The following PLLP variants were observed in gnomAD, a reference collection of about 807,000 sequenced individuals.
PLLP encodes plasma membrane proteolipid (plasmolipin).
Under a neutral mutation model 19.7 loss-of-function variants are expected in PLLP, and 15 were observed. The ratio of observed to expected loss-of-function variants is 0.76; its 90% CI spans 0.51 to 1.17. The LOEUF (loss-of-function observed/expected upper bound fraction) is 1.17, where lower values mean the gene tolerates loss of function less well. PLLP is among the 50% of genes most tolerant of loss of function. The pLI is 0.00. For synonymous variants in PLLP, 111 were observed against 116.3 expected, an observed-to-expected ratio of 0.95 and a Z score of 0.29; for missense variants, 255 against 258.3, an observed-to-expected ratio of 0.99 and a Z score of 0.09.
chr16:57,259,594 G>A (rs1230313822), intron 2 of PLLP, among the ~76,000 whole-genome samples: 4 of 152,134 alleles, frequency 2.6e-5, no homozygotes, highest in African/African-American at 4.8e-5. Context: ...CATTCATTCA[G>A]TTCGTCCAAT....
chr16:57,258,636 G>C (rs936134580), intron 2 of PLLP, 52 bp from the exon 3 acceptor site: 18 of 1,587,402 alleles, frequency 1.1e-5, no homozygotes, highest in Non-Finnish European at 1.5e-5. Flanking sequence ...AAGACACAAA[G>C]AGAGGCCAGA....
intron 1 of PLLP, among the ~76,000 whole-genome samples, chr16:57,278,655 G>A (rs1461494371): frequency 6.6e-6 from 1 of 152,194 alleles, no homozygotes; most frequent in East Asian, 1.9e-4. Flanking sequence ...TCTGTGCAGT[G>A]GAGCTGGGTT....
intron 1 of PLLP, among the ~76,000 whole-genome samples, chr16:57,269,034 C>T (rs1213193545): frequency 6.6e-6 from 1 of 152,206 alleles, no homozygotes; most frequent in East Asian, 1.9e-4. Flanking sequence ...GGTGCTCCCA[C>T]AGGAGGCCCC....
rs114463340 is a variant in PLLP, at chr16:57,263,965, G to A, written c.136-1895C>T. Among the ~76,000 whole-genome samples, 574 of 152,256 alleles carry A rather than the reference G, an allele frequency of 3.8e-3. 4 individuals are homozygous for A. Among genetic ancestry groups the A allele is most frequent in the African/African-American group, 0.012 (483 of 41,548 alleles). On this transcript the variant is annotated intron_variant, in intron 1 of 3. Coordinates refer to ENST00000219207, the MANE Select transcript of PLLP (RefSeq NM_015993.3). ...GACAAGTCAGTGGGATCAGAGAAGC[G>A]GCTCCGGAGCAGGACCTGCCTCTGG...
chr16:57,280,040 G>A (rs935080356), intron 1 of PLLP, among the ~76,000 whole-genome samples: 2 of 152,224 alleles, frequency 1.3e-5, no homozygotes, highest in Non-Finnish European at 1.5e-5. Context: ...ACAAGCTCTG[G>A]TCTGTCCTGA....
intron 1 of PLLP, among the ~76,000 whole-genome samples, chr16:57,266,096 A>G (rs1310467263): frequency 6.6e-6 from 1 of 152,178 alleles, no homozygotes; most frequent in Non-Finnish European, 1.5e-5. Flanking sequence ...AACCTGCGCT[A>G]CTATGAGTTA....
At chr16:57,268,460 C>A (rs2075464593) in intron 1 of PLLP, among the ~76,000 whole-genome samples, 1 of 152,176 alleles carries the variant, frequency 6.6e-6, no homozygotes, top group African/African-American at 2.4e-5. Context: ...CTTCCTTCAT[C>A]TTTGAAATGT....
intron 1 of PLLP, among the ~76,000 whole-genome samples, chr16:57,280,321 T>C (rs942344735): frequency 6.6e-6 from 1 of 152,130 alleles, no homozygotes; most frequent in Non-Finnish European, 1.5e-5. Context: ...CCAGATAAGA[T>C]CATCCTTCTC....
intron 2 of PLLP, among the ~76,000 whole-genome samples, chr16:57,261,134 C>T (rs994058861): frequency 3.9e-5 from 6 of 152,020 alleles, no homozygotes; most frequent in South Asian, 2.1e-4. Context: ...ACTAGAGGCG[C>T]GCGCCACCAC....
At chr16:57,263,915 G>T (rs1334628486) in intron 1 of PLLP, among the ~76,000 whole-genome samples, 1 of 152,200 alleles carries the variant, frequency 6.6e-6, no homozygotes, top group East Asian at 1.9e-4. Context: ...CCAAGGCTGC[G>T]TAGTGACCTT....
rs181830228 is a variant in PLLP at position 57,267,393 on chromosome 16, C to A, written c.136-5323G>T. Among the ~76,000 whole-genome samples, 4 of 151,936 alleles carry A rather than the reference C, an allele frequency of 2.6e-5. No homozygotes were observed. The East Asian group carries it at 7.7e-4, about 29-fold the overall frequency. ...GACCAGCTTGGCCAATATGGAGAAA[C>A]CCATCTCCAGTAAAAATACAAAAAT... is the stretch of plus-strand genomic sequence containing the variant. On this transcript the variant is annotated intron_variant, in intron 1 of 3. Transcript: ENST00000219207.
At chr16:57,257,064 A>G in intron 3 of PLLP, 35 bp from the exon 4 acceptor site, 1 of 1,461,924 alleles carries the variant, frequency 6.8e-7, no homozygotes, top group Non-Finnish European at 9.6e-7. Context: ...AAGGACCGAG[A>G]GGGTGACAGT....
At chr16:57,266,450 C>T (rs1239107931) in intron 1 of PLLP, among the ~76,000 whole-genome samples, 1 of 152,164 alleles carries the variant, frequency 6.6e-6, no homozygotes, top group East Asian at 1.9e-4. Flanking sequence ...CAAGAGAGAC[C>T]CTGCTCGGAA....
chr16:57,269,992 C>G (rs774850013), intron 1 of PLLP, among the ~76,000 whole-genome samples: 1 of 152,188 alleles, frequency 6.6e-6, no homozygotes, highest in South Asian at 2.1e-4. Flanking sequence ...TGGTCTCAAA[C>G]TCCTGACCTC....
intron 1 of PLLP, among the ~76,000 whole-genome samples, chr16:57,267,875 CAAAAA>C (rs71152241): frequency 1.5e-5 from 1 of 65,690 alleles, no homozygotes; most frequent in African/African-American, 6.2e-5. Context: ...AACTCCGTCT[CAAAAA>C]AAAAAAAAAA....
chr16:57,266,811 G>A (rs1250291832), intron 1 of PLLP, among the ~76,000 whole-genome samples: 1 of 150,826 alleles, frequency 6.6e-6, no homozygotes, highest in Non-Finnish European at 1.5e-5. Flanking sequence ...TCCCCAGACA[G>A]GTCCTGCAGA....
Position 57,284,437 on chromosome 16 carries a change from G to C in PLLP, c.104C>G (p.Ser35Cys), listed in dbSNP as rs1368274905. The change falls in exon 1 of 4, where the codon TCC (serine) becomes TGC (cysteine). Residue 35 changes from serine (S) to cysteine (C), a missense_variant. Ser to Cys is a moderately radical substitution (Grantham distance 112, BLOSUM62 -1). Coordinates refer to ENST00000219207, the MANE Select transcript of PLLP (RefSeq NM_015993.3). The part of the protein sequence containing the change: ...ALRPDLGFVR[S>C]RLGALMLLQL... ...CAGCAGCATGAGCGCCCCGAGGCGGGAGCGCACGAAGCCCAGGTCCGGGCG... is the reference window on the plus strand; with the variant it reads ...CAGCAGCATGAGCGCCCCGAGGCGGCAGCGCACGAAGCCCAGGTCCGGGCG... 1.1e-5 allele frequency: 16 copies of C among 1,406,580 alleles called. No homozygotes were observed. Among genetic ancestry groups the C allele is most frequent in the Non-Finnish European group, 1.5e-5 (16 of 1,077,640 alleles). 87.1% of individuals were successfully genotyped at this position (1,406,580 alleles called of 1,614,324 possible). A position where few individuals can be genotyped will look rare whatever the true frequency, so the allele number is the denominator to read the frequency against.
At chr16:57,261,828 G>T in intron 2 of PLLP, 69 bp downstream of exon 2, 1 of 1,429,678 alleles carries the variant, frequency 7.0e-7, no homozygotes, top group Non-Finnish European at 9.8e-7. Flanking sequence ...CCCACACCCT[G>T]CCACTTCTTC....
At chr16:57,273,697 G>C (rs1901113303) in intron 1 of PLLP, among the ~76,000 whole-genome samples, 1 of 152,208 alleles carries the variant, frequency 6.6e-6, no homozygotes, top group Non-Finnish European at 1.5e-5. Context: ...CAGGGTCCTA[G>C]TCCTCACCGA....
Sources: allele counts gnomAD v4.1 joint callset (sites outside exome capture counted in the v4.1 genomes callset), GRCh38; gene constraint gnomAD v4.1.1; transcripts MANE v1.5; gene names NCBI Gene and HGNC (gene_info 2026-07-23, HGNC 2026-07-21).